The following SPATA1 variants were observed in gnomAD, a reference collection of about 807,000 sequenced individuals.
SPATA1 encodes the protein spermatogenesis associated 1, also known as spermatogenesis-associated protein 1.
In SPATA1, 57 loss-of-function variants were observed where a neutral mutation model predicts 59.6. The observed-to-expected ratio is 0.96, with a 90% confidence interval of 0.77 to 1.19. The LOEUF (loss-of-function observed/expected upper bound fraction) is 1.19, where lower values mean the gene tolerates loss of function less well. SPATA1 is among the 50% of genes most tolerant of loss of function. The probability of loss-of-function intolerance (pLI) is 0.00; values close to 1 mark genes in which losing one functional copy is unlikely to be tolerated. For synonymous variants in SPATA1, 147 were observed against 163.9 expected (o/e 0.90, Z 0.79); for missense variants, 448 against 480.7 (o/e 0.93, Z 0.64).
At chr1:84,542,153 G>C (rs190963646) in intron 8 of SPATA1, among the ~76,000 whole-genome samples, 8 of 152,000 alleles carry the variant, frequency 5.3e-5, no homozygotes, top group Non-Finnish European at 8.8e-5. Flanking sequence ...TAGTAGAGAC[G>C]GGGTTTCACC....
At chr1:84,560,655 T>G (rs989558009) in intron 4 of SPATA1, among the ~76,000 whole-genome samples, 4 of 152,238 alleles carry the variant, frequency 2.6e-5, no homozygotes, top group Non-Finnish European at 5.9e-5. Context: ...AGTCAATACC[T>G]GGCTTTAAAG....
At chr1:84,519,001 T>C (rs1357903994) in intron 2 of SPATA1, among the ~76,000 whole-genome samples, 2 of 152,090 alleles carry the variant, frequency 1.3e-5, no homozygotes, top group African/African-American at 4.8e-5. Flanking sequence ...AGTCAGTATT[T>C]ATTGTTTGTT....
chr1:84,510,897 GA>G (rs1449142156), intron 1 of SPATA1, among the ~76,000 whole-genome samples: 1 of 152,190 alleles, frequency 6.6e-6, no homozygotes, highest in African/African-American at 2.4e-5. Context: ...TATGTTAAGT[GA>G]AAAAGCCAGA....
exon 2 of SPATA1, chr1:84,516,358 A>G: frequency 6.6e-7 from 1 of 1,526,092 alleles, no homozygotes; most frequent in African/African-American, 1.4e-5. Flanking sequence ...ACATTAGTGA[A>G]TATGTCACTC....
exon 5 of SPATA1, chr1:84,565,894 A>T: frequency 2.5e-6 from 4 of 1,593,656 alleles, no homozygotes; most frequent in Non-Finnish European, 3.4e-6. Context: ...TTCTGACCAG[A>T]TCTGACTTTG....
intron 8 of SPATA1, 79 bp from the exon 9 acceptor site, chr1:84,544,123 A>C: frequency 1.1e-6 from 1 of 933,592 alleles, no homozygotes; most frequent in South Asian, 1.5e-5. Flanking sequence ...TCTGGTTTGC[A>C]TTATCAAATA....
chr1:84,544,384 G>A, intron 9 of SPATA1, 80 bp downstream of exon 9: 1 of 1,066,940 alleles, frequency 9.4e-7, no homozygotes, highest in Non-Finnish European at 1.4e-6. Flanking sequence ...CTGTTTAATG[G>A]GTATAGAGTT....
chr1:84,563,261 T>G (rs1684627876), intron 4 of SPATA1: 2 of 1,505,248 alleles, frequency 1.3e-6, no homozygotes, highest in Non-Finnish European at 1.8e-6. Context: ...TCTTACTTTA[T>G]AGTTATAATA....
intron 1 of SPATA1, among the ~76,000 whole-genome samples, chr1:84,510,634 G>C (rs1246156): frequency 0.018 from 2,815 of 152,226 alleles, 80 homozygotes; most frequent in African/African-American, 0.062. Context: ...TAGAGCTTCA[G>C]TATGTCCCAG....
At chr1:84,563,937 T>A in intron 4 of SPATA1, 1 of 1,307,264 alleles carries the variant, frequency 7.6e-7, no homozygotes, top group South Asian at 2.4e-5. Context: ...ACAAGTACAT[T>A]TATAAAAAAC....
intron 7 of SPATA1, 71 bp from the exon 8 acceptor site, chr1:84,533,638 C>A: frequency 2.5e-6 from 3 of 1,204,080 alleles, no homozygotes; most frequent in Non-Finnish European, 3.6e-6. Flanking sequence ...AAATAAAATA[C>A]ATAAAATATG....
chr1:84,511,667 TTTTC>T (rs1173028003), intron 1 of SPATA1, among the ~76,000 whole-genome samples: 39 of 119,478 alleles, frequency 3.3e-4, no homozygotes, highest in Non-Finnish European at 5.2e-4. Context: ...TTTTTTTTTT[TTTTC>T]TTTCTTTCTT....
intron 4 of SPATA1, among the ~76,000 whole-genome samples, chr1:84,559,735 G>A (rs1684551601): frequency 2.6e-5 from 4 of 152,160 alleles, no homozygotes; most frequent in Admixed American, 2.6e-4. Flanking sequence ...GTTTTCTGAA[G>A]TGACATTAAA....
chr1:84,548,478 C>G (rs1684162975), intron 10 of SPATA1, among the ~76,000 whole-genome samples: 1 of 147,136 alleles, frequency 6.8e-6, no homozygotes, highest in Non-Finnish European at 1.5e-5. Context: ...ATATATATTG[C>G]TTTTATAATA....
downstream of SPATA1, among the ~76,000 whole-genome samples, chr1:84,558,237 T>C (rs1385753143): frequency 2.0e-5 from 3 of 152,134 alleles, no homozygotes; most frequent in Non-Finnish European, 4.4e-5. Flanking sequence ...TGTATAGATA[T>C]ATCAAAACAT....
At chr1:84,559,496 C>T (rs1684547644), downstream of SPATA1, among the ~76,000 whole-genome samples, 1 of 152,002 alleles carries the variant, frequency 6.6e-6, no homozygotes, top group Non-Finnish European at 1.5e-5. Flanking sequence ...GTAGGGCATC[C>T]CTATAACCCC....
chr1:84,548,903 A>G (rs561133101), exon 11 of SPATA1: 4 of 1,608,380 alleles, frequency 2.5e-6, no homozygotes, highest in African/African-American at 2.7e-5. Context: ...CTGCTCATGC[A>G]ACTTGAAGCC....
intron 10 of SPATA1, among the ~76,000 whole-genome samples, chr1:84,547,682 A>G (rs1684135248): frequency 6.6e-6 from 1 of 152,166 alleles, no homozygotes; most frequent in South Asian, 2.1e-4. Context: ...AGGTCAAGAA[A>G]TAAGAATGAC....
chr1:84,516,300 A>G (rs1214130388), exon 2 of SPATA1: 1 of 1,430,784 alleles, frequency 7.0e-7, no homozygotes. Context: ...TTAAATGAAG[A>G]AAGATAAAAA....
Sources: allele counts gnomAD v4.1 joint callset (sites outside exome capture counted in the v4.1 genomes callset), GRCh38; gene constraint gnomAD v4.1.1; transcripts MANE v1.5; gene names NCBI Gene and HGNC (gene_info 2026-07-23, HGNC 2026-07-21).